RBFOX2: variants seen among roughly 807,000 people sequenced by gnomAD.
RBFOX2 encodes the protein RNA binding fox-1 homolog 2.
RBFOX2 carries 10 observed loss-of-function variants against 49.1 expected under a neutral mutation model. The ratio of observed to expected loss-of-function variants is 0.20; its 90% confidence interval spans 0.13 to 0.35. RBFOX2 has a LOEUF of 0.35. Among genes scored for constraint, RBFOX2 ranks in the 10% least tolerant of loss-of-function variants. The pLI is 1.00. For missense variants in RBFOX2, 323 were observed against 486.9 expected, an observed-to-expected ratio of 0.66 and a Z score of 3.17; for synonymous variants, 183 against 187.4, an observed-to-expected ratio of 0.98 and a Z score of 0.19.
intron 1 of RBFOX2, among the ~76,000 whole-genome samples, chr22:35,919,522 G>C (rs1277472007): frequency 6.8e-6 from 1 of 147,896 alleles, no homozygotes; most frequent in Admixed American, 6.7e-5. Context: ...AACAGAGTGA[G>C]ACTGTCTCAA....
intron 6 of RBFOX2, among the ~76,000 whole-genome samples, chr22:35,764,495 G>A (rs1239666592): frequency 6.7e-6 from 1 of 149,216 alleles, no homozygotes; most frequent in African/African-American, 2.5e-5. Context: ...GAGGGCAGGA[G>A]AATGGCGTGA....
chr22:35,839,246 G>C (rs1254658852), intron 1 of RBFOX2, among the ~76,000 whole-genome samples: 1 of 152,228 alleles, frequency 6.6e-6, no homozygotes, highest in Non-Finnish European at 1.5e-5. Context: ...GGGTAATGGA[G>C]CGTACAGAAG....
At chr22:35,935,681 T>C (rs955610266) in intron 1 of RBFOX2, among the ~76,000 whole-genome samples, 1 of 152,150 alleles carries the variant, frequency 6.6e-6, no homozygotes, top group South Asian at 2.1e-4. Flanking sequence ...AATAAAATAA[T>C]GTAAATGAGT....
intron 6 of RBFOX2, 38 bp downstream of exon 7, chr22:35,765,385 C>A (rs1940608884): frequency 7.2e-7 from 1 of 1,390,974 alleles, no homozygotes; most frequent in Middle Eastern, 2.1e-4. Context: ...TATATTTACA[C>A]AAGAATAAAC....
At chr22:36,001,633 C>T (rs2058429693) in intron 1 of RBFOX2, among the ~76,000 whole-genome samples, 1 of 152,002 alleles carries the variant, frequency 6.6e-6, no homozygotes, top group South Asian at 2.1e-4. Flanking sequence ...CATAGTAGTG[C>T]ATGCCTTAGT....
At chr22:35,897,779 TTCCAAAGATG>T in intron 1 of RBFOX2, 1 of 758,526 alleles carries the variant, frequency 1.3e-6, no homozygotes, top group Non-Finnish European at 2.5e-6. Context: ...CTATCCTCTC[TTCCAAAGATG>T]TCCAACAGCT....
intron 1 of RBFOX2, among the ~76,000 whole-genome samples, chr22:36,009,845 T>C (rs1206845274): frequency 1.3e-5 from 2 of 152,236 alleles, no homozygotes; most frequent in Non-Finnish European, 2.9e-5. Context: ...AAATTATCTA[T>C]GTACATATCC....
intron 1 of RBFOX2, among the ~76,000 whole-genome samples, chr22:35,907,904 C>T (rs914071286): frequency 6.6e-6 from 1 of 152,158 alleles, no homozygotes; most frequent in African/African-American, 2.4e-5. Flanking sequence ...GCCTCGACCT[C>T]CCAAAGTGCT....
intron 2 of RBFOX2, among the ~76,000 whole-genome samples, chr22:35,801,222 T>A (rs1027619776): frequency 3.3e-5 from 5 of 152,168 alleles, no homozygotes; most frequent in African/African-American, 1.2e-4. Flanking sequence ...AATCTGTAAA[T>A]AACAACGCTT....
chr22:36,000,746 G>C (rs143569900), intron 1 of RBFOX2, among the ~76,000 whole-genome samples: 2 of 151,824 alleles, frequency 1.3e-5, no homozygotes, highest in Non-Finnish European at 2.9e-5. Flanking sequence ...CTATCCTCTC[G>C]GGGCTCTTTT....
chr22:35,844,029 A>G (rs1459049847), upstream of RBFOX2, among the ~76,000 whole-genome samples: 1 of 152,126 alleles, frequency 6.6e-6, no homozygotes, highest in African/African-American at 2.4e-5. Flanking sequence ...TCTGAACACC[A>G]TGTTTCTATT....
At chr22:35,969,269 T>TA (rs946169927) in intron 1 of RBFOX2, among the ~76,000 whole-genome samples, 61 of 148,206 alleles carry the variant, frequency 4.1e-4, no homozygotes, top group Admixed American at 9.4e-4. Context: ...TTCCATTAAT[T>TA]AAAAAAAAAA....
At chr22:35,834,435 C>T (rs770117376) in intron 1 of RBFOX2, among the ~76,000 whole-genome samples, 4 of 152,182 alleles carry the variant, frequency 2.6e-5, no homozygotes, top group Non-Finnish European at 4.4e-5. Context: ...GACGAGGATC[C>T]TGATCTCAGG....
chr22:35,866,577 A>G (rs1031815079), intron 1 of RBFOX2, among the ~76,000 whole-genome samples: 6 of 152,182 alleles, frequency 3.9e-5, no homozygotes, highest in Admixed American at 1.3e-4. Flanking sequence ...TATATTAAAC[A>G]TAAGATGACT....
At chr22:35,871,962 C>T (rs1025700785) in intron 1 of RBFOX2, among the ~76,000 whole-genome samples, 1 of 152,170 alleles carries the variant, frequency 6.6e-6, no homozygotes, top group African/African-American at 2.4e-5. Context: ...ATTTGTAAAA[C>T]CTCTGTATCC....
intron 1 of RBFOX2, among the ~76,000 whole-genome samples, chr22:36,012,424 C>A (rs945091859): frequency 1.3e-5 from 2 of 152,064 alleles, no homozygotes; most frequent in African/African-American, 4.8e-5. Flanking sequence ...AGGGCCTGCA[C>A]GAAAGCATTT....
chr22:35,958,114 T>C (rs939120135), intron 1 of RBFOX2, among the ~76,000 whole-genome samples: 8 of 152,216 alleles, frequency 5.3e-5, no homozygotes, highest in Admixed American at 4.6e-4. Context: ...AAAAAAGTCA[T>C]TATAGACAAA....
At chr22:36,008,496 T>C (rs1003493696) in intron 1 of RBFOX2, among the ~76,000 whole-genome samples, 4 of 152,122 alleles carry the variant, frequency 2.6e-5, no homozygotes, top group Admixed American at 2.0e-4. Context: ...TTGATTCTGA[T>C]CTAAAATGGT....
At chr22:35,869,867 T>C (rs1358887681) in intron 1 of RBFOX2, among the ~76,000 whole-genome samples, 2 of 152,230 alleles carry the variant, frequency 1.3e-5, no homozygotes, top group Non-Finnish European at 1.5e-5. Context: ...AAAACCTTTA[T>C]CATATTTACT....
Sources: gnomAD v4.1 joint callset for allele counts (sites outside exome capture counted in the v4.1 genomes callset) on GRCh38, gnomAD v4.1.1 for gene constraint, MANE v1.5 for transcripts, NCBI Gene and HGNC (gene_info 2026-07-23, HGNC 2026-07-21) for gene names.